PGGT1B: variants seen among roughly 807,000 people sequenced by gnomAD.
The protein encoded by PGGT1B is geranylgeranyl transferase type-1 subunit beta.
In PGGT1B, 30 loss-of-function variants were observed where a neutral mutation model predicts 46.1. The ratio of observed to expected loss-of-function variants is 0.65; its 90% CI spans 0.49 to 0.88. PGGT1B has a LOEUF of 0.88. PGGT1B is among the 40% of genes least tolerant of loss of function. The probability of loss-of-function intolerance (pLI) is 0.00; values close to 1 mark genes in which losing one functional copy is unlikely to be tolerated. For synonymous variants in PGGT1B, 170 were observed against 160.0 expected, an observed-to-expected ratio of 1.06 and a Z score of -0.47; for missense variants, 376 against 455.9, an observed-to-expected ratio of 0.82 and a Z score of 1.60.
chr5:115,213,441 T>G (rs997592193), intron 8 of PGGT1B, among the ~76,000 whole-genome samples: 2 of 152,174 alleles, frequency 1.3e-5, no homozygotes, highest in African/African-American at 4.8e-5. Context: ...TTTCTATTTT[T>G]GAATTGGCCG....
chr5:115,236,570 A>AT (rs780482187), intron 4 of PGGT1B, 48 bp from the exon 5 acceptor site: 12 of 1,332,118 alleles, frequency 9.0e-6, no homozygotes, highest in South Asian at 5.2e-5. Flanking sequence ...CTGGACTCTG[A>AT]TTTTTTTGCA....
In PGGT1B at chr5:115,209,592, G is replaced by C. The variant is rs550502782; in HGVS notation, c.*2810C>G. 6.2e-4 allele frequency: 95 copies of C among 152,180 alleles called. No individual in the cohort carries two copies. Among genetic ancestry groups the C allele is most frequent in the African/African-American group, 2.1e-3 (87 of 41,524 alleles). 9.4% of individuals were successfully genotyped at this position (152,180 alleles called of 1,614,324 possible). ...GTTCATAGAGATACCTTGTCATCTA[G>C]CGTTGTAATAGTGTCTGTGGCTATC... is the stretch of plus-strand genomic sequence containing the variant. On this transcript the variant is annotated 3_prime_UTR_variant, in exon 9 of 9. Transcript: ENST00000419445.
At chr5:115,238,901 C>A (rs1430583007) in intron 3 of PGGT1B, among the ~76,000 whole-genome samples, 1 of 152,176 alleles carries the variant, frequency 6.6e-6, no homozygotes, top group South Asian at 2.1e-4. Flanking sequence ...GAGTCAAGAT[C>A]CAAGGGTCTT....
At position 115,217,047 on chromosome 5, in the gene PGGT1B, T is replaced by C. The variant is rs1311447608; in HGVS notation, c.844-74A>G. 6.9e-6 allele frequency: 5 copies of C among 720,426 alleles called. No homozygotes were observed. The African/African-American group carries it at 8.9e-5, about 13-fold the overall frequency. 44.6% of individuals were successfully genotyped at this position (720,426 alleles called of 1,614,324 possible). A position where few individuals can be genotyped will look rare whatever the true frequency, so the allele number is the denominator to read the frequency against. The stretch of plus-strand genomic sequence containing the variant: ...ACCTTTGGCTCAAATTTCAGATACG[T>C]GTCATTTAGATATGCTTTTCTTTAG... On this transcript the variant is annotated intron_variant, in intron 7 of 8. Coordinates refer to ENST00000419445, the MANE Select transcript of PGGT1B (RefSeq NM_005023.4).
intron 6 of PGGT1B, among the ~76,000 whole-genome samples, chr5:115,223,434 AAC>A (rs148318909): frequency 0.013 from 2,026 of 152,236 alleles, 44 homozygotes; most frequent in African/African-American, 0.046. Flanking sequence ...AGATTAGACT[AAC>A]AGAGAGGGGG....
chr5:115,221,774 T>C (rs199911233), intron 7 of PGGT1B, 50 bp downstream of exon 7: 102 of 1,160,146 alleles, frequency 8.8e-5, no homozygotes, highest in Non-Finnish European at 1.2e-4. Context: ...TTTAGCACAA[T>C]CTATATGAAC....
Position 115,258,199 on chromosome 5 carries a change from C to T in PGGT1B, c.140+4513G>A, listed in dbSNP as rs1300344971. 7.9e-5 allele frequency among the ~76,000 whole-genome samples: 12 copies of T among 152,190 alleles called. No individual in the cohort carries two copies. The East Asian group carries it at 2.1e-3, about 27-fold the overall frequency. ...CCTTAAGGAGGTTACATGTTAAGTG[C>T]TATTACATGAATCATCTTCTTCCTT... On this transcript the variant is annotated intron_variant, in intron 1 of 8. Transcript: ENST00000419445.
At chr5:115,217,160 AC>A (rs1756445527) in intron 7 of PGGT1B, among the ~76,000 whole-genome samples, 187 bp from the exon 8 acceptor site, 1 of 151,908 alleles carries the variant, frequency 6.6e-6, no homozygotes, top group African/African-American at 2.4e-5. Context: ...TATCAAATCT[AC>A]TCTCCTTTTC....
intron 5 of PGGT1B, among the ~76,000 whole-genome samples, chr5:115,232,739 G>A (rs532474103): frequency 1.3e-5 from 2 of 152,096 alleles, no homozygotes; most frequent in South Asian, 4.1e-4. Context: ...CATGCAAAAT[G>A]AGGATAGCCT....
Position 115,207,176 on chromosome 5 carries a change from C to CATATATATATATATAT in PGGT1B, c.*5225_*5226insATATATATATATATAT, listed in dbSNP as rs1455651127. Reference sequence around the variant, plus strand: ...TCTAACTAGTTTAGGTTTGCATATACATACATATATATATATATATATATA... The same window carrying CATATATATATATATAT: ...TCTAACTAGTTTAGGTTTGCATATACATATATATATATATATATACATATATATATATATATATATA... On this transcript the variant is annotated 3_prime_UTR_variant, in exon 9 of 9. Coordinates refer to ENST00000419445, the MANE Select transcript of PGGT1B (RefSeq NM_005023.4). The CATATATATATATATAT allele has an allele frequency of 3.3e-5, 1 of 30,104 alleles. No homozygotes were observed. Among genetic ancestry groups the CATATATATATATATAT allele is most frequent in the East Asian group, 3.9e-4 (1 of 2,568 alleles). 1.9% of individuals were successfully genotyped at this position (30,104 alleles called of 1,614,324 possible). A position where few individuals can be genotyped will look rare whatever the true frequency, so the allele number is the denominator to read the frequency against.
chr5:115,233,840 G>C, intron 5 of PGGT1B, among the ~76,000 whole-genome samples: 1 of 151,892 alleles, frequency 6.6e-6, no homozygotes. Context: ...TATATTGGTA[G>C]GAAAACAAAC....
At chr5:115,250,921 T>C (rs1325897524) in intron 2 of PGGT1B, among the ~76,000 whole-genome samples, 3 of 152,160 alleles carry the variant, frequency 2.0e-5, no homozygotes, top group African/African-American at 4.8e-5. Context: ...CTCATTCAAA[T>C]AACTGAATGT....
intron 2 of PGGT1B, among the ~76,000 whole-genome samples, chr5:115,248,586 A>C (rs1747954940): frequency 6.6e-6 from 1 of 152,222 alleles, no homozygotes; most frequent in South Asian, 2.1e-4. Flanking sequence ...CCATACACTT[A>C]TTACTAGGAA....
intron 2 of PGGT1B, among the ~76,000 whole-genome samples, chr5:115,252,129 A>T (rs1356510634): frequency 1.3e-5 from 2 of 152,088 alleles, no homozygotes; most frequent in Non-Finnish European, 2.9e-5. Flanking sequence ...TTAGATCTGT[A>T]ACTATTGACC....
At chr5:115,255,982 T>C (rs1748293876) in intron 1 of PGGT1B, among the ~76,000 whole-genome samples, 1 of 152,178 alleles carries the variant, frequency 6.6e-6, no homozygotes, top group Admixed American at 6.5e-5. Flanking sequence ...ATCAAGGTCC[T>C]ACTTCACAAT....
chr5:115,230,727 A>T, intron 6 of PGGT1B, among the ~76,000 whole-genome samples: 1 of 152,096 alleles, frequency 6.6e-6, no homozygotes, highest in South Asian at 2.1e-4. Flanking sequence ...CATGCAGATA[A>T]CACTTGAATA....
intron 1 of PGGT1B, among the ~76,000 whole-genome samples, chr5:115,259,955 C>A (rs1314098268): frequency 6.6e-6 from 1 of 152,072 alleles, no homozygotes. Context: ...TTCCTATTAC[C>A]CAAATACAAA....
intron 2 of PGGT1B, among the ~76,000 whole-genome samples, chr5:115,248,193 C>T (rs1296827365): frequency 6.6e-6 from 1 of 152,082 alleles, no homozygotes. Context: ...ACTAGATTTT[C>T]CTGTAAAGCT....
At chr5:115,236,853 A>G (rs1291164807) in intron 4 of PGGT1B, among the ~76,000 whole-genome samples, 1 of 152,184 alleles carries the variant, frequency 6.6e-6, no homozygotes, top group Non-Finnish European at 1.5e-5. Context: ...TGGCTTGAGA[A>G]TGGCAGAAAA....
Sources: gnomAD v4.1 joint callset for allele counts (sites outside exome capture counted in the v4.1 genomes callset) on GRCh38, gnomAD v4.1.1 for gene constraint, MANE v1.5 for transcripts, NCBI Gene and HGNC (gene_info 2026-07-23, HGNC 2026-07-21) for gene names.